Variants in ZC3H7A observed in about 807,000 individuals in gnomAD.
The protein encoded by ZC3H7A is zinc finger CCCH domain-containing protein 7A.
ZC3H7A carries 44 observed loss-of-function variants against 125.5 expected under a neutral mutation model. That is an observed-to-expected ratio of 0.35 (90% CI 0.28 to 0.45). ZC3H7A has a LOEUF of 0.45. Among genes scored for constraint, ZC3H7A ranks in the 20% least tolerant of loss-of-function variants. ZC3H7A has a pLI of 1.00. For missense variants in ZC3H7A, 977 were observed against 1,170.7 expected, an observed-to-expected ratio of 0.83 and a Z score of 2.41; for synonymous variants, 399 against 391.2, an observed-to-expected ratio of 1.02 and a Z score of -0.23.
intron 15 of ZC3H7A, among the ~76,000 whole-genome samples, chr16:11,764,255 A>G (rs1300458461): frequency 2.0e-5 from 3 of 152,158 alleles, no homozygotes; most frequent in African/African-American, 4.8e-5. Context: ...GCTACTAAAA[A>G]TACAAAAAAT....
At chr16:11,760,511 C>T (rs1176998426) in intron 19 of ZC3H7A, among the ~76,000 whole-genome samples, 1 of 152,196 alleles carries the variant, frequency 6.6e-6, no homozygotes, top group East Asian at 1.9e-4. Flanking sequence ...CTGCAAGGTA[C>T]TGTAGGTGGT....
At chr16:11,782,568 T>G in intron 1 of ZC3H7A, 180 bp from the exon 2 acceptor site, 1 of 468,106 alleles carries the variant, frequency 2.1e-6, no homozygotes, top group East Asian at 3.6e-5. Context: ...TCCCCTGTGG[T>G]CCGGCACACC....
In ZC3H7A at chr16:11,774,312, T is replaced by C. The variant is rs2053042742; in HGVS notation, c.827A>G (p.Asp276Gly). 3.2e-5 allele frequency: 51 copies of C among 1,613,998 alleles called. No individual in the cohort carries two copies. Among genetic ancestry groups the C allele is most frequent in the Non-Finnish European group, 4.3e-5 (51 of 1,179,912 alleles). ...ATCTCCAAGGACCATATCTCCATCATCTAGAAAAGCTTCTGGCATAGTGAA... is the reference window on the plus strand; with the variant it reads ...ATCTCCAAGGACCATATCTCCATCACCTAGAAAAGCTTCTGGCATAGTGAA... ...MPFTMPEAFL[D>G]DGDMVLGDEL... The change falls in exon 9 of 23, where the codon GAT becomes GGT. Residue 276 changes from aspartate to glycine, a missense_variant. By Grantham distance (94) the Asp-to-Gly change is moderately conservative. This residue lies in a region of ZC3H7A where 342 missense variants were observed against 311.3 expected (regional missense o/e 1.10). Coordinates refer to ENST00000355758, the MANE Select transcript of ZC3H7A (RefSeq NM_014153.4).
intron 4 of ZC3H7A, among the ~76,000 whole-genome samples, chr16:11,778,457 A>AAAC (rs1279354036): frequency 1.2e-4 from 18 of 145,402 alleles, no homozygotes; most frequent in Non-Finnish European, 2.6e-4. Context: ...AAAAAAAAAA[A>AAAC]AACACTCGTA....
rs188284017 is a variant in ZC3H7A at position 11,795,868 on chromosome 16, T to C, written c.-35+1256A>G. On this transcript the variant is annotated intron_variant, in intron 1 of 22. Transcript: ENST00000355758. ...CCCAGGCTGGAGCACAAAGGCACAA[T>C]CTCAGCTCACCGAAGCCTCAATCTC... Among the ~76,000 whole-genome samples the C allele has an allele frequency of 7.9e-5, 12 of 152,332 alleles. No homozygotes were observed. In the East Asian group the frequency reaches 2.3e-3, roughly 29 times the overall value.
intron 1 of ZC3H7A, among the ~76,000 whole-genome samples, chr16:11,788,678 A>C (rs1396491862): frequency 6.9e-6 from 1 of 144,336 alleles, no homozygotes; most frequent in Non-Finnish European, 1.5e-5. Context: ...TAGTGGCGTG[A>C]TCTCGGCTCA....
rs191483148 is a variant in ZC3H7A at position 11,765,220 on chromosome 16, C to A, written c.1720-67G>T. On this transcript the variant is annotated intron_variant, in intron 14 of 22. Coordinates refer to ENST00000355758, the MANE Select transcript of ZC3H7A (RefSeq NM_014153.4). This position sits in a 1 kb window ranked among gnomAD's most constrained non-coding sequence, Gnocchi z 4.8. The stretch of plus-strand genomic sequence containing the variant: ...ATAAATTTTGTACCCAGAATATTGT[C>A]CTAGTTTCAATATCATTACAAAATT... 4.8e-6 allele frequency: 5 copies of A among 1,031,660 alleles called. No individual in the cohort carries two copies. The Admixed American group carries it at 1.7e-4, about 35-fold the overall frequency. 63.9% of individuals were successfully genotyped at this position (1,031,660 alleles called of 1,614,324 possible).
intron 1 of ZC3H7A, among the ~76,000 whole-genome samples, chr16:11,788,532 C>T (rs915039159): frequency 1.3e-5 from 2 of 152,180 alleles, no homozygotes; most frequent in Admixed American, 6.5e-5. Context: ...CCCTTCCGCC[C>T]GTTTGCCCTC....
intron 1 of ZC3H7A, among the ~76,000 whole-genome samples, chr16:11,788,429 T>G (rs2053292475): frequency 6.6e-6 from 1 of 152,132 alleles, no homozygotes; most frequent in African/African-American, 2.4e-5. Flanking sequence ...ACAGTTCCAT[T>G]TGAATTTCTC....
intron 4 of ZC3H7A, among the ~76,000 whole-genome samples, chr16:11,778,458 A>C (rs76105768): frequency 6.9e-6 from 1 of 145,782 alleles, no homozygotes; most frequent in Non-Finnish European, 1.5e-5. Flanking sequence ...AAAAAAAAAA[A>C]ACACTCGTAA....
Position 11,776,362 on chromosome 16 carries a change from A to G in ZC3H7A, c.547-4T>C. ...CAGGAACTGATTTTAATGAGAGCTG[A>G]AATAAAATAAAGACACTAATTTAAA... On this transcript the variant is annotated splice_polypyrimidine_tract_variant and splice_region_variant and intron_variant, in intron 6 of 22. Transcript: ENST00000355758. 6.2e-7 allele frequency: 1 copy of G among 1,609,240 alleles called. No individual in the cohort carries two copies. Among genetic ancestry groups the G allele is most frequent in the East Asian group, 2.2e-5 (1 of 44,812 alleles).
rs760553503 is a variant in ZC3H7A at position 11,774,364 on chromosome 16, C to A, written c.775G>T (p.Val259Leu). Residue 259 changes from valine (V) to leucine (L), a missense_variant, in exon 9 of 23, where the codon GTG becomes TTG. By Grantham distance (32) the Val-to-Leu change is conservative. Transcript: ENST00000355758. ...GGCATCTTTCCTCCATTTGCCAGCA[C>A]TGCAGATGGCAGAGCGCTCTCTTCC... ...QVEESALPSA[V>L]LANGGKMPFT... 82 of 1,613,956 alleles carry A rather than the reference C, an allele frequency of 5.1e-5. No individual in the cohort carries two copies. The highest frequency in any genetic ancestry group is 6.4e-5 in the Non-Finnish European group (75 of 1,179,980).
intron 1 of ZC3H7A, among the ~76,000 whole-genome samples, chr16:11,789,077 G>A (rs897284564): frequency 5.3e-5 from 8 of 152,234 alleles, no homozygotes; most frequent in Non-Finnish European, 7.4e-5. Flanking sequence ...GAGGCCCATA[G>A]TTTGGTTAAC....
chr16:11,788,521 G>C (rs1025710950), intron 1 of ZC3H7A, among the ~76,000 whole-genome samples: 1 of 151,944 alleles, frequency 6.6e-6, no homozygotes, highest in African/African-American at 2.4e-5. Context: ...CCACCCATTT[G>C]CCCTTCCGCC....
At chr16:11,776,382 T>A in intron 6 of ZC3H7A, 24 bp from the exon 7 acceptor site, 1 of 1,608,772 alleles carries the variant, frequency 6.2e-7, no homozygotes, top group South Asian at 1.1e-5. Flanking sequence ...AAGACACTAA[T>A]TTAAAAACAG....
Position 11,779,162 on chromosome 16 carries a change from T to G in ZC3H7A, c.306+4A>C. 2 of 1,580,364 alleles carry G rather than the reference T, an allele frequency of 1.3e-6. No homozygotes were observed. The highest frequency in any genetic ancestry group is 2.2e-5 in the East Asian group (1 of 44,636). On this transcript the variant is annotated splice_donor_region_variant and intron_variant, in intron 4 of 22. Coordinates refer to ENST00000355758, the MANE Select transcript of ZC3H7A (RefSeq NM_014153.4). Reference sequence around the variant, plus strand: ...GAAACATCATTTTAAAAATTACAACTCACCATATTAGAATAGCAGGCAATA... The same window carrying G: ...GAAACATCATTTTAAAAATTACAACGCACCATATTAGAATAGCAGGCAATA...
chr16:11,751,511 A>C lies in ZC3H7A; in HGVS notation c.2727-5T>G, dbSNP rs2052552575. ...GGGCAGGTGCCATTCATATACCTGT[A>C]AGGAGAAGTCAGCTGCTCAGTGTCC... On this transcript the variant is annotated splice_polypyrimidine_tract_variant and splice_region_variant and intron_variant, in intron 22 of 22. Coordinates refer to ENST00000355758, the MANE Select transcript of ZC3H7A (RefSeq NM_014153.4). The C allele has an allele frequency of 3.7e-6, 6 of 1,610,730 alleles. No homozygotes were observed. The highest frequency in any genetic ancestry group is 5.1e-6 in the Non-Finnish European group (6 of 1,178,860).
intron 22 of ZC3H7A, among the ~76,000 whole-genome samples, 178 bp downstream of exon 22, chr16:11,752,491 A>T (rs542681324): frequency 5.3e-5 from 8 of 152,360 alleles, no homozygotes; most frequent in Non-Finnish European, 1.0e-4. Context: ...AGAAGAGTGA[A>T]AGGAATGGTT....
rs960376479 is a variant in ZC3H7A, at chr16:11,776,332, A to G, written c.573T>C (p.Asp191=). 6.2e-7 allele frequency: 1 copy of G among 1,608,644 alleles called. No homozygotes were observed. The highest frequency in any genetic ancestry group is 8.5e-7 in the Non-Finnish European group (1 of 1,178,798). Residue 191 remains aspartate, a synonymous_variant, in exon 7 of 23, where the codon GAT becomes GAC. Transcript: ENST00000355758. ...AAAATAACTTTACCTTGGTAGCCCC[A>G]TCCCCAGGAACTGATTTTAATGAGA... ...AELSLKSVPG[D]GATKALNHSV... is the part of the protein sequence containing the mutation.
Sources: allele counts gnomAD v4.1 joint callset (sites outside exome capture counted in the v4.1 genomes callset), GRCh38; gene constraint gnomAD v4.1.1; regional missense constraint gnomAD v4.1.1; non-coding constraint Gnocchi (gnomAD v3.1); transcripts MANE v1.5; gene names NCBI Gene and HGNC (gene_info 2026-07-23, HGNC 2026-07-21).